Variants in SNRPN observed in about 807,000 individuals in gnomAD.
SNRPN encodes small nuclear ribonucleoprotein polypeptide N.
SNRPN carries 7 observed loss-of-function variants against 25.2 expected under a neutral mutation model. That is an observed-to-expected ratio of 0.28 (90% CI 0.16 to 0.52). The LOEUF is 0.52. Among genes scored for constraint, SNRPN ranks in the 20% least tolerant of loss-of-function variants. The pLI, the probability that SNRPN is intolerant of heterozygous loss-of-function variation, is 0.96. For missense variants in SNRPN, 196 were observed against 322.5 expected (o/e 0.61, Z 3.00); for synonymous variants, 124 against 110.6 (o/e 1.12, Z -0.76).
chr15:24,892,253 G>A (rs2057738716), intron 2 of SNRPN, among the ~76,000 whole-genome samples: 1 of 152,162 alleles, frequency 6.6e-6, no homozygotes, highest in African/African-American at 2.4e-5. Context: ...TCCCTTGACA[G>A]CAGGGTGGAC....
chr15:24,956,847 C>T (rs978438746), intron 1 of SNRPN, among the ~76,000 whole-genome samples: 1 of 152,182 alleles, frequency 6.6e-6, no homozygotes, highest in African/African-American at 2.4e-5. Context: ...GGGATGGCAG[C>T]TGCACTGGGC....
chr15:24,920,895 CTG>C (rs1344256469), intron 3 of SNRPN, among the ~76,000 whole-genome samples: 14 of 152,286 alleles, frequency 9.2e-5, no homozygotes, highest in Admixed American at 9.2e-4. Flanking sequence ...TGCTTTGTGT[CTG>C]TGTTTTAGGT....
intron 3 of SNRPN, among the ~76,000 whole-genome samples, chr15:24,930,697 C>A (rs2060781035): frequency 6.6e-6 from 1 of 151,174 alleles, no homozygotes; most frequent in Admixed American, 6.6e-5. Flanking sequence ...GTCAGGAGTT[C>A]AAGACCAGAC....
At chr15:24,858,980 C>G (rs752253108) in intron 1 of SNRPN, among the ~76,000 whole-genome samples, 56 of 151,944 alleles carry the variant, frequency 3.7e-4, no homozygotes, top group Non-Finnish European at 7.4e-4. Context: ...GGAAAGGAGA[C>G]TAGCTCTCTA....
chr15:24,951,221 G>C (rs569429026), upstream of SNRPN, among the ~76,000 whole-genome samples: 2 of 152,184 alleles, frequency 1.3e-5, no homozygotes, highest in South Asian at 4.2e-4. Flanking sequence ...GGTAACTTCA[G>C]GGTTAACATT....
At chr15:24,974,679 G>A in intron 4 of SNRPN, 1 of 621,970 alleles carries the variant, frequency 1.6e-6, no homozygotes, top group East Asian at 2.7e-5. Context: ...GGAGTGCAGT[G>A]GTGCGGTCTT....
chr15:24,942,162 C>A (rs2061593965), intron 3 of SNRPN: 1 of 152,138 alleles, frequency 6.6e-6, no homozygotes, highest in African/African-American at 2.4e-5. Context: ...ACTAAGACTG[C>A]CAGACCAGAA....
At chr15:24,898,385 C>A (rs1018733614) in intron 2 of SNRPN, among the ~76,000 whole-genome samples, 1 of 152,140 alleles carries the variant, frequency 6.6e-6, no homozygotes, top group African/African-American at 2.4e-5. Flanking sequence ...GTGAAGAGAT[C>A]GAGACCATCC....
At position 24,916,858 on chromosome 15, in the gene SNRPN, A is replaced by C. The variant is rs1232615226; in HGVS notation, c.-504-3153A>C. On this transcript the variant is annotated intron_variant, in intron 2 of 11. Coordinates refer to the SNRPN transcript ENST00000400097. ...GTGTTACAACTCTTAAAGGTGGCACAGACCCAAGGAGTGAGCCGCAGCAAG... is the reference window on the plus strand; with the variant it reads ...GTGTTACAACTCTTAAAGGTGGCACCGACCCAAGGAGTGAGCCGCAGCAAG... 4.6e-5 allele frequency among the ~76,000 whole-genome samples: 7 copies of C among 152,218 alleles called. No homozygotes were observed. In the East Asian group the frequency reaches 1.4e-3, roughly 29 times the overall value.
chr15:24,919,889 T>C (rs543012865), intron 2 of SNRPN: 1 of 145,594 alleles, frequency 6.9e-6, no homozygotes, highest in Admixed American at 6.8e-5. Flanking sequence ...AATGTTCCTC[T>C]GCCCCATTTG....
intron 2 of SNRPN, among the ~76,000 whole-genome samples, chr15:24,903,563 G>A (rs2058601280): frequency 6.6e-6 from 1 of 152,172 alleles, no homozygotes; most frequent in African/African-American, 2.4e-5. Context: ...TTTCGGCACA[G>A]GTTCCATTCA....
At chr15:24,956,558 T>C (rs2062938720) in intron 1 of SNRPN, among the ~76,000 whole-genome samples, 1 of 151,962 alleles carries the variant, frequency 6.6e-6, no homozygotes, top group East Asian at 1.9e-4. Context: ...GCAGCAGAGG[T>C]GACAGTCGCC....
chr15:24,894,018 A>G (rs929284841), intron 2 of SNRPN, among the ~76,000 whole-genome samples: 1 of 152,044 alleles, frequency 6.6e-6, no homozygotes, highest in Admixed American at 6.5e-5. Context: ...ATGCCAAACC[A>G]CTCTCAAAGA....
chr15:24,903,704 G>T (rs1191014677), intron 2 of SNRPN, among the ~76,000 whole-genome samples: 1 of 152,148 alleles, frequency 6.6e-6, no homozygotes, highest in Non-Finnish European at 1.5e-5. Context: ...ATATTACTGA[G>T]TTTTAATGGG....
chr15:24,867,500 G>A (rs1051218585), intron 1 of SNRPN, among the ~76,000 whole-genome samples: 1 of 151,678 alleles, frequency 6.6e-6, no homozygotes, highest in African/African-American at 2.4e-5. Context: ...TCAGCCTCCC[G>A]AGTAGCTGGG....
intron 7 of SNRPN, 87 bp from the exon 8 acceptor site, chr15:24,977,691 A>G (rs571516377): frequency 3.1e-5 from 40 of 1,281,170 alleles, no homozygotes; most frequent in Middle Eastern, 2.0e-4. Flanking sequence ...GTTTGTAACT[A>G]ATTGGTCATT....
chr15:24,960,842 G>A (rs1024689328), intron 1 of SNRPN, among the ~76,000 whole-genome samples: 3 of 152,180 alleles, frequency 2.0e-5, no homozygotes, highest in African/African-American at 4.8e-5. Context: ...AATGTTAAAA[G>A]TTGATATGCT....
intron 1 of SNRPN, among the ~76,000 whole-genome samples, chr15:24,956,166 G>C (rs1039307246): frequency 2.6e-4 from 39 of 152,146 alleles, no homozygotes; most frequent in Non-Finnish European, 5.1e-4. Context: ...TGCATTTACA[G>C]ATCTTTTGAC....
intron 1 of SNRPN, among the ~76,000 whole-genome samples, chr15:24,877,808 G>C (rs552482412): frequency 1.9e-4 from 29 of 152,222 alleles, no homozygotes; most frequent in African/African-American, 6.0e-4. Flanking sequence ...GCCAAGATCG[G>C]GCCACTGCCT....
Sources: gnomAD v4.1 joint callset for allele counts (sites outside exome capture counted in the v4.1 genomes callset) on GRCh38, gnomAD v4.1.1 for gene constraint, MANE v1.5 for transcripts, NCBI Gene and HGNC (gene_info 2026-07-23, HGNC 2026-07-21) for gene names.